Variants in POT1 observed in about 807,000 individuals in gnomAD.
The protein encoded by POT1 is protection of telomeres 1.
A neutral mutation model predicts 78.5 loss-of-function variants in POT1; 47 were observed. The observed-to-expected ratio is 0.60, with a 90% confidence interval of 0.47 to 0.76. The LOEUF is 0.76. Among genes scored for constraint, POT1 ranks in the 30% least tolerant of loss-of-function variants. The pLI is 0.00. For synonymous variants in POT1, 259 were observed against 260.7 expected, an observed-to-expected ratio of 0.99 and a Z score of 0.06; for missense variants, 646 against 749.9, an observed-to-expected ratio of 0.86 and a Z score of 1.62.
chr7:124,859,291 G>A lies in POT1; in HGVS notation c.547-179C>T, dbSNP rs140495402. On this transcript the variant is annotated intron_variant, in intron 8 of 18. Coordinates refer to ENST00000357628, the MANE Select transcript of POT1 (RefSeq NM_015450.3). The stretch of plus-strand genomic sequence containing the variant: ...GAACTACATATGAAATATGGGTAAT[G>A]TGGAAAATGTAGAAGAATGTAAAGG... Among the ~76,000 whole-genome samples the A allele has an allele frequency of 7.9e-5, 12 of 152,270 alleles. No individual in the cohort carries two copies. In the East Asian group the frequency reaches 2.3e-3, roughly 29 times the overall value.
intron 2 of POT1, among the ~76,000 whole-genome samples, chr7:124,916,780 T>C (rs1383902034): frequency 1.3e-5 from 2 of 152,224 alleles, no homozygotes; most frequent in African/African-American, 2.4e-5. Context: ...TGAAAACACA[T>C]GGAGCCCCCA....
Position 124,832,721 on chromosome 7 carries a change from T to C in POT1, c.1505+2558A>G, listed in dbSNP as rs547495809. Among the ~76,000 whole-genome samples the C allele has an allele frequency of 9.9e-4, 148 of 150,232 alleles. 4 individuals carry two copies. The South Asian group carries it at 0.03, about 30-fold the overall frequency. ...TAGTCCCAGCTACTCGGCGGGGGGG[T>C]TGAGACAGGAGAATCGCTTGAACCG... On this transcript the variant is annotated intron_variant, in intron 15 of 18. Coordinates refer to ENST00000357628, the MANE Select transcript of POT1 (RefSeq NM_015450.3).
intron 5 of POT1, among the ~76,000 whole-genome samples, chr7:124,896,855 A>C (rs1169603827): frequency 6.6e-6 from 1 of 151,742 alleles, no homozygotes; most frequent in African/African-American, 2.4e-5. Flanking sequence ...CCTATGGTTT[A>C]TAACAAAAAT....
At chr7:124,878,489 A>G (rs1340007365) in intron 6 of POT1, among the ~76,000 whole-genome samples, 4 of 152,238 alleles carry the variant, frequency 2.6e-5, no homozygotes, top group East Asian at 1.9e-4. Context: ...AAATGTTCTC[A>G]CTATAAAAAA....
intron 6 of POT1, among the ~76,000 whole-genome samples, chr7:124,874,371 C>T (rs1795938736): frequency 6.6e-6 from 1 of 152,052 alleles, no homozygotes; most frequent in Non-Finnish European, 1.5e-5. Flanking sequence ...ACATACAAAG[C>T]AAAGGAGAAA....
intron 7 of POT1, among the ~76,000 whole-genome samples, chr7:124,868,753 T>C (rs1795792978): frequency 6.7e-6 from 1 of 149,854 alleles, no homozygotes; most frequent in African/African-American, 2.4e-5. Context: ...ATTCAATATA[T>C]AAATATATGT....
intron 3 of POT1, among the ~76,000 whole-genome samples, chr7:124,914,828 G>C (rs1283160588): frequency 6.6e-6 from 1 of 152,056 alleles, no homozygotes. Context: ...TATATCCATA[G>C]GGGGCTCCTG....
intron 6 of POT1, among the ~76,000 whole-genome samples, chr7:124,879,330 A>C (rs1042876201): frequency 2.0e-5 from 3 of 152,172 alleles, no homozygotes; most frequent in Non-Finnish European, 2.9e-5. Context: ...GCTGAAAGTG[A>C]GCTATCAGCA....
intron 3 of POT1, among the ~76,000 whole-genome samples, chr7:124,908,078 T>C (rs202227734): frequency 2.0e-5 from 3 of 152,050 alleles, no homozygotes; most frequent in East Asian, 1.9e-4. Flanking sequence ...GAAAAGGGCA[T>C]TGAAAATATA....
At chr7:124,853,225 C>T in intron 9 of POT1, 87 bp from the exon 10 acceptor site, 2 of 982,334 alleles carry the variant, frequency 2.0e-6, no homozygotes, top group Non-Finnish European at 3.0e-6. Flanking sequence ...AATATGGGGC[C>T]AATGAGGGCA....
At chr7:124,847,072 C>G in intron 11 of POT1, 74 bp from the exon 12 acceptor site, 1 of 931,630 alleles carries the variant, frequency 1.1e-6, no homozygotes, top group South Asian at 1.4e-5. Flanking sequence ...TGGAGCGTTG[C>G]TGAGAGAAAC....
At chr7:124,886,776 T>C (rs1358365472) in intron 6 of POT1, among the ~76,000 whole-genome samples, 1 of 152,114 alleles carries the variant, frequency 6.6e-6, no homozygotes, top group Non-Finnish European at 1.5e-5. Context: ...ATGGCTTTCA[T>C]TTTATATGCA....
Position 124,835,342 on chromosome 7 carries a change from T to C in POT1, c.1442A>G (p.Glu481Gly), listed in dbSNP as rs548024862. The C allele has an allele frequency of 7.8e-5, 126 of 1,614,016 alleles. No individual in the cohort carries two copies. Among genetic ancestry groups the C allele is most frequent in the Non-Finnish European group, 9.7e-5 (115 of 1,180,006 alleles). ...TGAAAGGTCCAAAAGTTCCAGGTCT[T>C]CGTGGCCAGATCTCACAGGAATTAC... ...NSVIPVRSGHEDLELLDLSAP... is the reference protein window; with the variant it reads ...NSVIPVRSGHGDLELLDLSAP... Residue 481 changes from glutamate to glycine, a missense_variant, in exon 15 of 19, where the codon GAA becomes GGA. Transcript: ENST00000357628.
In POT1 at chr7:124,852,245, A is replaced by G. The variant is rs368832337; in HGVS notation, c.870-294T>C. Among the ~76,000 whole-genome samples the G allele has an allele frequency of 4.2e-3, 641 of 152,336 alleles. 4 individuals carry two copies. Among genetic ancestry groups the G allele is most frequent in the Middle Eastern group, 0.024 (7 of 294 alleles). ...TCAGAACAATCTAACTCTAGATTCA[A>G]GAAGCTAAATATGATATTAAAAATC... On this transcript the variant is annotated intron_variant, in intron 10 of 18. Transcript: ENST00000357628.
chr7:124,850,527 A>C (rs1430091171), intron 11 of POT1, among the ~76,000 whole-genome samples: 1 of 152,172 alleles, frequency 6.6e-6, no homozygotes, highest in Non-Finnish European at 1.5e-5. Context: ...GGAGATCGAG[A>C]CCATACTGGC....
chr7:124,841,135 C>G lies in POT1; in HGVS notation c.1207G>C (p.Asp403His), dbSNP rs866261185. The G allele has an allele frequency of 1.2e-6, 2 of 1,612,650 alleles. No individual in the cohort carries two copies. Among genetic ancestry groups the G allele is most frequent in the Middle Eastern group, 1.7e-4 (1 of 6,054 alleles). ...ACATCTGGGGTTTTAGTTGCACCAT[C>G]CTGAAAAATTATATCCAAATCGCCC... ...HEGDLDIIFQ[D>H]GATKTPDVKL... Residue 403 changes from aspartate to histidine, a missense_variant, in exon 14 of 19, where the codon GAT becomes CAT. Coordinates refer to ENST00000357628, the MANE Select transcript of POT1 (RefSeq NM_015450.3).
At chr7:124,827,357 C>T in intron 16 of POT1, 52 bp from the exon 17 acceptor site, 1 of 1,058,326 alleles carries the variant, frequency 9.4e-7, no homozygotes, top group Non-Finnish European at 1.4e-6. Context: ...TCCTTATTAT[C>T]AAGGTAAAGT....
At chr7:124,903,259 G>A (rs536658993) in intron 3 of POT1, among the ~76,000 whole-genome samples, 1 of 152,058 alleles carries the variant, frequency 6.6e-6, no homozygotes, top group Admixed American at 6.6e-5. Context: ...CTCCAAAACT[G>A]ACCATAGTTG....
Position 124,863,426 on chromosome 7 carries a change from T to A in POT1, c.470A>T (p.Gln157Leu). 1 of 1,614,004 alleles carries A rather than the reference T, an allele frequency of 6.2e-7. No individual in the cohort carries two copies. Reference sequence around the variant, plus strand: ...AGTCAGGTCAAAATACTGCATTGGCTGAACATCACACAATTTTAGTAATGT... The same window carrying A: ...AGTCAGGTCAAAATACTGCATTGGCAGAACATCACACAATTTTAGTAATGT... ...SWTLLKLCDVQPMQYFDLTCQ... is the reference protein window; with the variant it reads ...SWTLLKLCDVLPMQYFDLTCQ... Residue 157 changes from glutamine to leucine, a missense_variant, in exon 8 of 19, where the codon CAG becomes CTG. Gln to Leu is a moderately radical substitution (Grantham distance 113). This residue lies in a region of POT1 where 252 missense variants were observed against 341.4 expected (regional missense o/e 0.74). Coordinates refer to ENST00000357628, the MANE Select transcript of POT1 (RefSeq NM_015450.3).
Sources: gnomAD v4.1 joint callset for allele counts (sites outside exome capture counted in the v4.1 genomes callset) on GRCh38, gnomAD v4.1.1 for gene constraint, gnomAD v4.1.1 regional missense constraint, MANE v1.5 for transcripts, NCBI Gene and HGNC (gene_info 2026-07-23, HGNC 2026-07-21) for gene names.